MRTFA: variants seen among roughly 807,000 people sequenced by gnomAD.
The protein encoded by MRTFA is myocardin related transcription factor A.
MRTFA carries 20 observed loss-of-function variants against 83.5 expected under a neutral mutation model. That is an observed-to-expected ratio of 0.24 (90% confidence interval 0.17 to 0.35). MRTFA has a LOEUF of 0.35. MRTFA is among the 10% of genes least tolerant of loss of function. The pLI is 1.00. For synonymous variants in MRTFA, 659 were observed against 541.2 expected (o/e 1.22, Z -3.02); for missense variants, 1,200 against 1,224.7 (o/e 0.98, Z 0.30).
At chr22:40,422,810 G>C (rs1323052839) in intron 9 of MRTFA, among the ~76,000 whole-genome samples, 5 of 152,252 alleles carry the variant, frequency 3.3e-5, no homozygotes, top group African/African-American at 4.8e-5. Flanking sequence ...CCTCTCCTGA[G>C]GCTCAGATGG....
chr22:40,499,445 T>A (rs1444361767), intron 3 of MRTFA, among the ~76,000 whole-genome samples: 2 of 152,154 alleles, frequency 1.3e-5, no homozygotes, highest in Non-Finnish European at 2.9e-5. Flanking sequence ...CAGAACTTTC[T>A]GAAACAGAAA....
intron 3 of MRTFA, among the ~76,000 whole-genome samples, chr22:40,540,013 G>A (rs1039338883): frequency 2.7e-5 from 4 of 146,644 alleles, no homozygotes; most frequent in African/African-American, 1.0e-4. Context: ...AGGCTCAAAC[G>A]ATCCCCCCAT....
chr22:40,518,795 C>CAA lies in MRTFA; in HGVS notation c.241+33309_241+33310dup, dbSNP rs879690699. 4.0e-3 allele frequency among the ~76,000 whole-genome samples: 272 copies of CAA among 68,126 alleles called. 9 individuals carry two copies. Among genetic ancestry groups the CAA allele is most frequent in the South Asian group, 6.2e-3 (10 of 1,614 alleles). The allele number at this position is 68,126 out of a possible 152,430, so 44.7% of individuals were successfully genotyped here. On this transcript the variant is annotated intron_variant, in intron 3 of 14. Coordinates refer to ENST00000355630, the MANE Select transcript of MRTFA (RefSeq NM_020831.6). ...GGGCGACAGAGTGAGACTCTGTCTC[C>CAA]AAAAAAAAAAAAAAAAAAAAAAAAA...
intron 3 of MRTFA, among the ~76,000 whole-genome samples, chr22:40,495,589 T>G (rs2054339147): frequency 6.7e-6 from 1 of 149,716 alleles, no homozygotes; most frequent in Non-Finnish European, 1.5e-5. Flanking sequence ...TGTAACACTA[T>G]CTCTACTAAA....
chr22:40,617,127 AAG>A (rs895366402), intron 1 of MRTFA, among the ~76,000 whole-genome samples: 6 of 140,762 alleles, frequency 4.3e-5, no homozygotes, highest in Non-Finnish European at 9.2e-5. Context: ...AGACGAAAGA[AAG>A]AGAGAGACGA....
intron 1 of MRTFA, among the ~76,000 whole-genome samples, chr22:40,620,102 C>T (rs934829954): frequency 8.0e-5 from 12 of 150,584 alleles, no homozygotes; most frequent in African/African-American, 2.2e-4. Flanking sequence ...GGACTACAGA[C>T]GCATACCACC....
chr22:40,511,815 G>C (rs938225199), intron 3 of MRTFA, among the ~76,000 whole-genome samples: 1 of 152,236 alleles, frequency 6.6e-6, no homozygotes, highest in African/African-American at 2.4e-5. Flanking sequence ...CAGTGCTAGA[G>C]AGAGTCCTCA....
intron 2 of MRTFA, among the ~76,000 whole-genome samples, chr22:40,562,142 G>A (rs773659906): frequency 3.3e-5 from 5 of 151,880 alleles, no homozygotes; most frequent in East Asian, 1.9e-4. Flanking sequence ...GCGTGAACCC[G>A]GGAGGCGGAG....
At chr22:40,634,614 A>G (rs2056675279) in intron 1 of MRTFA, among the ~76,000 whole-genome samples, 1 of 152,190 alleles carries the variant, frequency 6.6e-6, no homozygotes, top group South Asian at 2.1e-4. Context: ...GCTCCTCATG[A>G]GCAGGGACCA....
At chr22:40,510,551 A>G (rs2147241002) in intron 3 of MRTFA, among the ~76,000 whole-genome samples, 1 of 152,340 alleles carries the variant, frequency 6.6e-6, no homozygotes, top group African/African-American at 2.4e-5. Flanking sequence ...TATCATGTGT[A>G]CAGTGCTTTA....
chr22:40,479,705 T>C (rs1037558508), intron 3 of MRTFA, among the ~76,000 whole-genome samples: 1 of 152,168 alleles, frequency 6.6e-6, no homozygotes, highest in Admixed American at 6.5e-5. Flanking sequence ...CAATGGAGCA[T>C]GTCAGATTTC....
rs774126084 is a variant in MRTFA, at chr22:40,417,061, A to G, written c.2518-15T>C. On this transcript the variant is annotated splice_polypyrimidine_tract_variant and intron_variant, in intron 13 of 14. Coordinates refer to ENST00000355630, the MANE Select transcript of MRTFA (RefSeq NM_020831.6). ...GAACCATTTTCCTGTGGGACAAAGGAAAAAAAAAAAAGAGATAAAAATCTT... is the reference window on the plus strand; with the variant it reads ...GAACCATTTTCCTGTGGGACAAAGGGAAAAAAAAAAAGAGATAAAAATCTT... The G allele has an allele frequency of 1.1e-4, 70 of 618,410 alleles. No homozygotes were observed. The East Asian group carries it at 4.1e-3, about 36-fold the overall frequency. The allele number at this position is 618,410 out of a possible 1,614,324, so 38.3% of individuals were successfully genotyped here. A position where few individuals can be genotyped will look rare whatever the true frequency, so the allele number is the denominator to read the frequency against.
intron 3 of MRTFA, among the ~76,000 whole-genome samples, chr22:40,519,788 T>C (rs2147256416): frequency 6.6e-6 from 1 of 152,302 alleles, no homozygotes; most frequent in African/African-American, 2.4e-5. Context: ...TAGTTTCACT[T>C]TGGAAACTGG....
At chr22:40,419,587 T>C (rs1013609741) in intron 11 of MRTFA, among the ~76,000 whole-genome samples, 2 of 152,216 alleles carry the variant, frequency 1.3e-5, no homozygotes, top group Non-Finnish European at 2.9e-5. Flanking sequence ...AGCAGGGGTC[T>C]GGTTAAAATG....
intron 4 of MRTFA, among the ~76,000 whole-genome samples, chr22:40,457,202 T>A (rs995064078): frequency 2.6e-5 from 4 of 151,998 alleles, no homozygotes; most frequent in African/African-American, 9.7e-5. Context: ...ACGTCTCTAC[T>A]ATAAATACAA....
chr22:40,496,820 A>T (rs555784515), intron 3 of MRTFA, among the ~76,000 whole-genome samples: 217 of 150,984 alleles, frequency 1.4e-3, no homozygotes, highest in Admixed American at 5.5e-3. Context: ...AATAAGCCAA[A>T]AATCTTTTTC....
chr22:40,482,831 T>C (rs1255006531), intron 3 of MRTFA, among the ~76,000 whole-genome samples: 1 of 152,104 alleles, frequency 6.6e-6, no homozygotes, highest in Non-Finnish European at 1.5e-5. Flanking sequence ...AAAATTGTTT[T>C]CCTTAAAATT....
intron 4 of MRTFA, among the ~76,000 whole-genome samples, chr22:40,438,421 C>T (rs2053211708): frequency 6.6e-6 from 1 of 152,232 alleles, no homozygotes; most frequent in Admixed American, 6.5e-5. Flanking sequence ...CAACAACCCA[C>T]ACTGGCTATC....
At chr22:40,491,818 T>C (rs2054276936) in intron 3 of MRTFA, among the ~76,000 whole-genome samples, 1 of 152,196 alleles carries the variant, frequency 6.6e-6, no homozygotes, top group South Asian at 2.1e-4. Context: ...CTATGTTCAG[T>C]TATCTATTTG....
Sources: allele counts gnomAD v4.1 joint callset (sites outside exome capture counted in the v4.1 genomes callset), GRCh38; gene constraint gnomAD v4.1.1; transcripts MANE v1.5; gene names NCBI Gene and HGNC (gene_info 2026-07-23, HGNC 2026-07-21).